CFTR: variants seen among roughly 807,000 people sequenced by gnomAD.
The protein encoded by CFTR is cystic fibrosis transmembrane conductance regulator.
Under a neutral mutation model 171.6 loss-of-function variants are expected in CFTR, and 181 were observed. The observed-to-expected ratio is 1.05, with a 90% confidence interval of 0.93 to 1.19. The LOEUF is 1.19. Ranked by LOEUF, CFTR falls within the 50% of genes most tolerant of loss-of-function variation. The probability of loss-of-function intolerance (pLI) is 0.00; values close to 1 mark genes in which losing one functional copy is unlikely to be tolerated. For synonymous variants in CFTR, 583 were observed against 608.0 expected, an observed-to-expected ratio of 0.96 and a Z score of 0.60; for missense variants, 1,968 against 1,734.7, an observed-to-expected ratio of 1.13 and a Z score of -2.39.
At chr7:117,613,060 A>G (rs1562915559) in intron 20 of CFTR, among the ~76,000 whole-genome samples, 3 of 152,146 alleles carry the variant, frequency 2.0e-5, no homozygotes, top group African/African-American at 7.2e-5. Context: ...TCTCTCAGCT[A>G]GGGCAGTGGG....
At chr7:117,594,257 G>T (rs1469839449) in intron 14 of CFTR, among the ~76,000 whole-genome samples, 1 of 152,116 alleles carries the variant, frequency 6.6e-6, no homozygotes, top group African/African-American at 2.4e-5. Flanking sequence ...GCCCTTCTTT[G>T]TGATTCATAG....
intron 11 of CFTR, among the ~76,000 whole-genome samples, chr7:117,583,234 G>A (rs1266482897): frequency 6.6e-6 from 1 of 152,014 alleles, no homozygotes. Flanking sequence ...ACATGGATAA[G>A]TGCTTTAGTG....
intron 11 of CFTR, among the ~76,000 whole-genome samples, chr7:117,579,722 G>A (rs1417086874): frequency 6.8e-6 from 1 of 146,074 alleles, no homozygotes; most frequent in Non-Finnish European, 1.5e-5. Context: ...TGTTAATACA[G>A]GAATAAAAAA....
chr7:117,506,989 G>T (rs1316774100), intron 2 of CFTR, among the ~76,000 whole-genome samples: 3 of 152,164 alleles, frequency 2.0e-5, no homozygotes, highest in Non-Finnish European at 2.9e-5. Flanking sequence ...TCAAGTGGTT[G>T]CCAGATGGTT....
chr7:117,534,467 G>A, intron 5 of CFTR, 102 bp downstream of exon 5: 2 of 718,998 alleles, frequency 2.8e-6, no homozygotes, highest in South Asian at 3.0e-5. Flanking sequence ...TAGTGGTTAA[G>A]TCTTGCTCAG....
At chr7:117,502,605 T>C (rs1798349467) in intron 1 of CFTR, among the ~76,000 whole-genome samples, 1 of 152,218 alleles carries the variant, frequency 6.6e-6, no homozygotes, top group South Asian at 2.1e-4. Context: ...GATACTGGGA[T>C]AGTATGCACC....
Position 117,652,963 on chromosome 7 carries a change from G to T in CFTR, c.3963+32G>T, listed in dbSNP as rs775555170. On this transcript the variant is annotated intron_variant, in intron 24 of 26. Transcript: ENST00000003084. ...CTGCTAACTGAAATGATTTTGAAAGGGGTAACTCATACCAACACAAATGGC... is the reference window on the plus strand; with the variant it reads ...CTGCTAACTGAAATGATTTTGAAAGTGGTAACTCATACCAACACAAATGGC... 1.1e-5 allele frequency: 14 copies of T among 1,302,454 alleles called. No individual in the cohort carries two copies. In the South Asian group the frequency reaches 1.6e-4, roughly 15 times the overall value. 80.7% of individuals were successfully genotyped at this position (1,302,454 alleles called of 1,614,324 possible).
intron 1 of CFTR, among the ~76,000 whole-genome samples, chr7:117,484,823 A>G (rs527709667): frequency 6.6e-6 from 1 of 152,018 alleles, no homozygotes; most frequent in East Asian, 1.9e-4. Flanking sequence ...AGTTTTTTAT[A>G]TGCTAGTTAA....
intron 15 of CFTR, 114 bp downstream of exon 15, chr7:117,595,172 T>A (rs1165464849): frequency 1.4e-5 from 11 of 778,792 alleles, no homozygotes; most frequent in Non-Finnish European, 2.4e-5. Context: ...CATGTATACA[T>A]GTATAAGTAT....
At chr7:117,488,843 C>T (rs1488864202) in intron 1 of CFTR, among the ~76,000 whole-genome samples, 4 of 151,942 alleles carry the variant, frequency 2.6e-5, no homozygotes, top group Non-Finnish European at 2.9e-5. Flanking sequence ...TTTCTGAAAT[C>T]GAGATGCCTT....
chr7:117,609,323 T>C (rs1267813542), intron 18 of CFTR, among the ~76,000 whole-genome samples: 2 of 152,210 alleles, frequency 1.3e-5, no homozygotes, highest in Non-Finnish European at 2.9e-5. Context: ...GAATGGGGAA[T>C]ATAAACCTGA....
At chr7:117,533,491 A>G (rs573903942) in intron 4 of CFTR, among the ~76,000 whole-genome samples, 3 of 152,264 alleles carry the variant, frequency 2.0e-5, no homozygotes, top group African/African-American at 7.2e-5. Context: ...ATAAATCTTA[A>G]TAATCCCTGA....
chr7:117,606,812 G>A, intron 18 of CFTR, 59 bp downstream of exon 18: 4 of 970,082 alleles, frequency 4.1e-6, no homozygotes, highest in African/African-American at 3.2e-5. Context: ...AATAACAAAA[G>A]CAAATGTGAT....
chr7:117,632,150 T>C (rs1174413718), intron 22 of CFTR, among the ~76,000 whole-genome samples: 1 of 152,136 alleles, frequency 6.6e-6, no homozygotes, highest in Non-Finnish European at 1.5e-5. Flanking sequence ...GAAATGTTCA[T>C]TCTTGGGCCC....
intron 3 of CFTR, among the ~76,000 whole-genome samples, chr7:117,511,685 C>G (rs967292403): frequency 2.0e-5 from 3 of 152,124 alleles, no homozygotes; most frequent in African/African-American, 7.2e-5. Flanking sequence ...GTTTTTCACC[C>G]TTGTCATAGA....
intron 13 of CFTR, among the ~76,000 whole-genome samples, chr7:117,590,730 A>G (rs995140496): frequency 2.0e-5 from 3 of 152,018 alleles, no homozygotes; most frequent in Admixed American, 2.0e-4. Context: ...GCCTTGTGAT[A>G]TATATTACTT....
intron 1 of CFTR, among the ~76,000 whole-genome samples, chr7:117,501,731 G>A (rs1798329415): frequency 3.0e-5 from 2 of 67,132 alleles, no homozygotes; most frequent in African/African-American, 1.2e-4. Context: ...TGGGCAACAA[G>A]AGTGAAACTC....
intron 9 of CFTR, among the ~76,000 whole-genome samples, chr7:117,547,371 G>A (rs1799163857): frequency 6.6e-6 from 1 of 152,126 alleles, no homozygotes; most frequent in Non-Finnish European, 1.5e-5. Flanking sequence ...CAGTTTCAGT[G>A]CATTCAATTT....
At chr7:117,597,001 T>A (rs1792140479) in intron 15 of CFTR, among the ~76,000 whole-genome samples, 1 of 152,176 alleles carries the variant, frequency 6.6e-6, no homozygotes, top group Non-Finnish European at 1.5e-5. Flanking sequence ...AAAACCAATC[T>A]GCTGTCTGTA....
Sources: allele counts gnomAD v4.1 joint callset (sites outside exome capture counted in the v4.1 genomes callset), GRCh38; gene constraint gnomAD v4.1.1; transcripts MANE v1.5; gene names NCBI Gene and HGNC (gene_info 2026-07-23, HGNC 2026-07-21).